CCDC146: variants seen among roughly 807,000 people sequenced by gnomAD.
The protein encoded by CCDC146 is coiled-coil domain-containing protein 146.
In CCDC146, 92 loss-of-function variants were observed where a neutral mutation model predicts 119.3. That is an observed-to-expected ratio of 0.77 (90% confidence interval 0.65 to 0.92). CCDC146 has a LOEUF of 0.92. Ranked by LOEUF, CCDC146 falls within the 40% of genes least tolerant of loss-of-function variation. The probability of loss-of-function intolerance (pLI) is 0.00; values close to 1 mark genes in which losing one functional copy is unlikely to be tolerated. For missense variants in CCDC146, 1,000 were observed against 1,103.0 expected (o/e 0.91, Z 1.32); for synonymous variants, 372 against 371.8 (o/e 1.00, Z -0.01).
chr7:77,210,616 T>C (rs1792162544), intron 2 of CCDC146, among the ~76,000 whole-genome samples: 1 of 152,248 alleles, frequency 6.6e-6, no homozygotes, highest in Admixed American at 6.5e-5. Flanking sequence ...TTTATAGAAA[T>C]GCCCCACTTC....
intron 2 of CCDC146, among the ~76,000 whole-genome samples, chr7:77,235,612 C>T (rs1235256482): frequency 6.6e-6 from 1 of 152,136 alleles, no homozygotes; most frequent in Non-Finnish European, 1.5e-5. Context: ...TTTTATTCCA[C>T]TTGAAGTGTT....
chr7:77,226,610 C>A (rs529132572), intron 2 of CCDC146, among the ~76,000 whole-genome samples: 1 of 152,324 alleles, frequency 6.6e-6, no homozygotes, highest in African/African-American at 2.4e-5. Flanking sequence ...CACATAATTG[C>A]CAGCAGGGCA....
chr7:77,265,987 G>C (rs1036739945), intron 9 of CCDC146, among the ~76,000 whole-genome samples: 6 of 152,300 alleles, frequency 3.9e-5, no homozygotes, highest in Admixed American at 1.3e-4. Flanking sequence ...CTTAACCAAA[G>C]ACATCATACT....
At chr7:77,279,610 G>T (rs1436384292) in intron 13 of CCDC146, among the ~76,000 whole-genome samples, 2 of 152,302 alleles carry the variant, frequency 1.3e-5, no homozygotes, top group East Asian at 3.9e-4. Flanking sequence ...GGTGAAAGAG[G>T]TGGTGTCCAG....
At position 77,241,664 on chromosome 7, in the gene CCDC146, T is replaced by G. The variant is rs373497459; in HGVS notation, c.240-27T>G. On this transcript the variant is annotated intron_variant, in intron 3 of 18. Transcript: ENST00000285871. ...CCGAGGATGTACATGTCTCATTATG[T>G]GAGTCTCTGTTTTTCATGTAACCCA... 3.8e-4 allele frequency: 611 copies of G among 1,605,142 alleles called. 1 individual carries two copies. Among genetic ancestry groups the G allele is most frequent in the Non-Finnish European group, 5.0e-4 (583 of 1,172,380 alleles).
intron 9 of CCDC146, among the ~76,000 whole-genome samples, chr7:77,265,629 A>G (rs897008660): frequency 6.6e-6 from 1 of 152,238 alleles, no homozygotes; most frequent in Admixed American, 6.5e-5. Flanking sequence ...GAAGGGACAC[A>G]TAAACCTAAT....
Position 77,280,483 on chromosome 7 carries a change from C to T in CCDC146, c.1749C>T (p.Ser583=), listed in dbSNP as rs1159270150. ...KHANNVTIRE[S]MQNDVRKIVS... ...CCAACAATGTTACCATCAGAGAGAG[C>T]ATGCAAAACGATGTGCGCAAAATTG... Residue 583 remains serine (S), a synonymous_variant, in exon 14 of 19, where the codon AGC becomes AGT. Coordinates refer to ENST00000285871, the MANE Select transcript of CCDC146 (RefSeq NM_020879.3). 1 of 1,614,082 alleles carries T rather than the reference C, an allele frequency of 6.2e-7. No individual in the cohort carries two copies. Among genetic ancestry groups the T allele is most frequent in the Admixed American group, 1.7e-5 (1 of 60,016 alleles).
At chr7:77,226,212 G>T (rs1792510781) in intron 2 of CCDC146, among the ~76,000 whole-genome samples, 2 of 152,228 alleles carry the variant, frequency 1.3e-5, no homozygotes, top group South Asian at 4.1e-4. Flanking sequence ...CCAGCAGTGA[G>T]AGGGGAGCAG....
chr7:77,129,799 C>A (rs1790755693), intron 1 of CCDC146, among the ~76,000 whole-genome samples: 1 of 152,120 alleles, frequency 6.6e-6, no homozygotes, highest in African/African-American at 2.4e-5. Context: ...TGAATTACAT[C>A]ATACTCTTCT....
At chr7:77,275,754 C>G (rs996294176) in intron 11 of CCDC146, among the ~76,000 whole-genome samples, 4 of 152,112 alleles carry the variant, frequency 2.6e-5, no homozygotes, top group African/African-American at 7.2e-5. Context: ...AACATTCCCC[C>G]CTAAAATCAA....
chr7:77,212,691 A>G (rs1218940363), intron 2 of CCDC146, among the ~76,000 whole-genome samples: 2 of 152,054 alleles, frequency 1.3e-5, no homozygotes, highest in African/African-American at 2.4e-5. Flanking sequence ...TAAATAAACA[A>G]ATAATAAATA....
intron 2 of CCDC146, among the ~76,000 whole-genome samples, chr7:77,174,181 T>A (rs922592081): frequency 2.2e-4 from 33 of 152,168 alleles, no homozygotes; most frequent in African/African-American, 8.0e-4. Context: ...TGTTTTTCTT[T>A]GTGTCTGGCT....
At position 77,293,174 on chromosome 7, in the gene CCDC146, G is replaced by A. The variant is rs945851507; in HGVS notation, c.2638G>A (p.Ala880Thr). ...AGTCCTTCGAGATGAAGAAATGCAC[G>A]CCTTGGCCATCGCTGAAAAGTCTCA... ...LKVLRDEEMHALAIAEKSQEF... is the reference protein window; with the variant it reads ...LKVLRDEEMHTLAIAEKSQEF... The change falls in exon 18 of 19, where the codon GCC (alanine) becomes ACC (threonine). Residue 880 changes from alanine to threonine, a missense_variant. By Grantham distance (58) the Ala-to-Thr change is moderately conservative. This residue lies in a region of CCDC146 where 985 missense variants were observed against 1,045.3 expected (regional missense o/e 0.94). Transcript: ENST00000285871. 8.7e-6 allele frequency: 14 copies of A among 1,613,906 alleles called. No individual in the cohort carries two copies. The highest frequency in any genetic ancestry group is 3.3e-5 in the South Asian group (3 of 91,084).
chr7:77,187,985 T>G (rs1791698682), intron 2 of CCDC146, among the ~76,000 whole-genome samples: 2 of 152,234 alleles, frequency 1.3e-5, no homozygotes, highest in African/African-American at 4.8e-5. Context: ...TCACAGATGC[T>G]GAGTGTTCAA....
chr7:77,259,261 T>A, intron 7 of CCDC146, 193 bp downstream of exon 7: 1 of 491,726 alleles, frequency 2.0e-6, no homozygotes. Context: ...TCATTCATAG[T>A]ATTTATGGCT....
Position 77,278,991 on chromosome 7 carries a change from T to C in CCDC146, c.1584T>C (p.Phe528=), listed in dbSNP as rs1167737789. Residue 528 remains phenylalanine, a synonymous_variant, in exon 13 of 19, where the codon TTT becomes TTC. Coordinates refer to ENST00000285871, the MANE Select transcript of CCDC146 (RefSeq NM_020879.3). ...CCATTCGAAATGAAAGAAACAAATT[T>C]GTTAACTTACTCCACAAAGCTCATC... is the stretch of plus-strand genomic sequence containing the variant. ...YDTIRNERNK[F]VNLLHKAHQK... is the part of the protein sequence containing the mutation. 1.1e-5 allele frequency: 18 copies of C among 1,612,376 alleles called. No individual in the cohort carries two copies. Among genetic ancestry groups the C allele is most frequent in the Non-Finnish European group, 1.4e-5 (17 of 1,179,574 alleles).
chr7:77,249,013 T>A (rs772281133), intron 4 of CCDC146, among the ~76,000 whole-genome samples: 19 of 152,160 alleles, frequency 1.2e-4, no homozygotes, highest in Non-Finnish European at 2.4e-4. Context: ...GTATATCCAA[T>A]TGATTGATGG....
chr7:77,234,537 C>T (rs1171472482), intron 2 of CCDC146, among the ~76,000 whole-genome samples: 1 of 152,142 alleles, frequency 6.6e-6, no homozygotes, highest in East Asian at 1.9e-4. Context: ...GAGTTCAAGA[C>T]CAGCCTGGGC....
chr7:77,219,652 C>T (rs1179574740), intron 2 of CCDC146, among the ~76,000 whole-genome samples: 1 of 152,144 alleles, frequency 6.6e-6, no homozygotes, highest in Non-Finnish European at 1.5e-5. Context: ...GGAACCAGCC[C>T]CCAGTATTTC....
Sources: gnomAD v4.1 joint callset for allele counts (sites outside exome capture counted in the v4.1 genomes callset) on GRCh38, gnomAD v4.1.1 for gene constraint, gnomAD v4.1.1 regional missense constraint, MANE v1.5 for transcripts, NCBI Gene and HGNC (gene_info 2026-07-23, HGNC 2026-07-21) for gene names.